Variants in ZNF608 observed in about 807,000 individuals in gnomAD.
The protein encoded by ZNF608 is renal carcinoma antigen NY-REN-36.
In ZNF608, 12 loss-of-function variants were observed where a neutral mutation model predicts 109.0. The ratio of observed to expected loss-of-function variants is 0.11; its 90% CI spans 0.07 to 0.18. The LOEUF (loss-of-function observed/expected upper bound fraction) is 0.18, where lower values mean the gene tolerates loss of function less well. Ranked by LOEUF, ZNF608 falls within the 10% of genes least tolerant of loss-of-function variation. ZNF608 has a pLI of 1.00. For synonymous variants in ZNF608, 732 were observed against 717.4 expected (o/e 1.02, Z -0.33); for missense variants, 1,707 against 1,879.3 (o/e 0.91, Z 1.70).
intron 5 of ZNF608, among the ~76,000 whole-genome samples, chr5:124,645,743 C>T (rs1014194309): frequency 6.6e-6 from 1 of 152,062 alleles, no homozygotes; most frequent in Non-Finnish European, 1.5e-5. Context: ...TCTGGGACAG[C>T]TGTTGAGGCC....
chr5:124,639,360 A>T, intron 8 of ZNF608, 146 bp from the exon 9 acceptor site: 1 of 658,316 alleles, frequency 1.5e-6, no homozygotes, highest in Non-Finnish European at 2.7e-6. Flanking sequence ...GCAAGGACAC[A>T]GTACAAACCA....
At chr5:124,742,437 G>T (rs1052101716) in intron 2 of ZNF608, among the ~76,000 whole-genome samples, 2 of 152,158 alleles carry the variant, frequency 1.3e-5, no homozygotes, top group African/African-American at 4.8e-5. Flanking sequence ...CTGGATTAGG[G>T]CAATTCATCT....
chr5:124,702,767 C>T (rs1198013208), intron 2 of ZNF608, among the ~76,000 whole-genome samples: 1 of 152,198 alleles, frequency 6.6e-6, no homozygotes, highest in Non-Finnish European at 1.5e-5. Context: ...TGCCATAAAA[C>T]TTCTTTTGCT....
rs1750025909 is a variant in ZNF608 at position 124,637,395 on chromosome 5, T to A, written c.*505A>T. 1 of 152,570 alleles carries A rather than the reference T, an allele frequency of 6.6e-6. No individual in the cohort carries two copies. The highest frequency in any genetic ancestry group is 2.1e-4 in the South Asian group (1 of 4,832). 9.5% of individuals were successfully genotyped at this position (152,570 alleles called of 1,614,324 possible). ...AGCCACCAAATAGACATCTAAATTG[T>A]ACCAAAGTGTCATCATCACAGTTAG... On this transcript the variant is annotated 3_prime_UTR_variant, in exon 10 of 10. Coordinates refer to ENST00000513986, the MANE Select transcript of ZNF608 (RefSeq NM_020747.3).
At chr5:124,686,015 A>G (rs1378446214) in intron 3 of ZNF608, among the ~76,000 whole-genome samples, 1 of 152,218 alleles carries the variant, frequency 6.6e-6, no homozygotes, top group Non-Finnish European at 1.5e-5. Context: ...CAAGCTAAGG[A>G]GGACTGGTAT....
At chr5:124,736,944 A>G (rs1405659272) in intron 2 of ZNF608, among the ~76,000 whole-genome samples, 1 of 152,236 alleles carries the variant, frequency 6.6e-6, no homozygotes, top group East Asian at 1.9e-4. Flanking sequence ...GATCAGTGCA[A>G]CCAAAGACCA....
chr5:124,651,693 C>G (rs1750783556), intron 3 of ZNF608, among the ~76,000 whole-genome samples: 1 of 152,268 alleles, frequency 6.6e-6, no homozygotes, highest in Admixed American at 6.5e-5. Context: ...TATTGCTTTT[C>G]CCCTAAGGGT....
At chr5:124,733,818 T>A (rs1749020750) in intron 2 of ZNF608, among the ~76,000 whole-genome samples, 1 of 152,238 alleles carries the variant, frequency 6.6e-6, no homozygotes, top group South Asian at 2.1e-4. Context: ...TTTGTGGAAT[T>A]CTGGCATATC....
At chr5:124,672,883 G>GA (rs529971900) in intron 3 of ZNF608, among the ~76,000 whole-genome samples, 203 of 152,218 alleles carry the variant, frequency 1.3e-3, no homozygotes, top group Middle Eastern at 6.8e-3. Context: ...TATTTCATCG[G>GA]AAAAAAGTAT....
intron 2 of ZNF608, among the ~76,000 whole-genome samples, chr5:124,709,615 T>C (rs1034093595): frequency 1.1e-4 from 17 of 152,234 alleles, no homozygotes; most frequent in African/African-American, 4.1e-4. Flanking sequence ...GTTGTGTTCT[T>C]TGAAAACCTG....
At chr5:124,660,200 G>C (rs1751193386) in intron 3 of ZNF608, among the ~76,000 whole-genome samples, 1 of 152,078 alleles carries the variant, frequency 6.6e-6, no homozygotes, top group Non-Finnish European at 1.5e-5. Context: ...GTGTGAGAGA[G>C]AGAATGGGAG....
rs1749531315 is a variant in ZNF608 at position 124,744,012 on chromosome 5, G to A, written c.906+72C>T. The A allele has an allele frequency of 1.3e-6, 2 of 1,513,526 alleles. No individual in the cohort carries two copies. The highest frequency in any genetic ancestry group is 2.1e-5 in the Admixed American group (1 of 46,552). 93.8% of individuals were successfully genotyped at this position (1,513,526 alleles called of 1,614,324 possible). On this transcript the variant is annotated intron_variant, in intron 2 of 9. Transcript: ENST00000513986. This position sits in a 1 kb window ranked among gnomAD's most constrained non-coding sequence, Gnocchi z 4.5. ...AGCATAAAGTGTAAGGCACACAGAGGCACACCCCCACACACCCACACAAAT... is the reference window on the plus strand; with the variant it reads ...AGCATAAAGTGTAAGGCACACAGAGACACACCCCCACACACCCACACAAAT...
intron 3 of ZNF608, among the ~76,000 whole-genome samples, chr5:124,681,022 T>C (rs1386959112): frequency 6.6e-6 from 1 of 152,218 alleles, no homozygotes; most frequent in African/African-American, 2.4e-5. Context: ...GTTCAACTTC[T>C]ACATAAAATG....
At chr5:124,654,749 A>C (rs1467141111) in intron 3 of ZNF608, among the ~76,000 whole-genome samples, 1 of 152,214 alleles carries the variant, frequency 6.6e-6, no homozygotes, top group Non-Finnish European at 1.5e-5. Context: ...GGCCTGGCCC[A>C]TAAGAACCTC....
intron 2 of ZNF608, among the ~76,000 whole-genome samples, chr5:124,743,038 T>C (rs989008496): frequency 2.6e-5 from 4 of 152,286 alleles, no homozygotes; most frequent in African/African-American, 7.2e-5. Flanking sequence ...ACCTGCCTAG[T>C]GGACAGAACA....
At chr5:124,700,980 C>T in intron 3 of ZNF608, 34 bp downstream of exon 3, 1 of 1,608,666 alleles carries the variant, frequency 6.2e-7, no homozygotes. Context: ...GGGAAGAGGG[C>T]ATCGGGAAAT....
intron 2 of ZNF608, among the ~76,000 whole-genome samples, chr5:124,729,600 G>A (rs1452084043): frequency 1.3e-5 from 2 of 152,168 alleles, no homozygotes; most frequent in African/African-American, 4.8e-5. Flanking sequence ...GCTGTTCCTT[G>A]ACTGTAAATA....
chr5:124,654,602 C>T (rs553689970), intron 3 of ZNF608, among the ~76,000 whole-genome samples: 2 of 152,288 alleles, frequency 1.3e-5, no homozygotes, highest in East Asian at 1.9e-4. Context: ...CTGATGGAAA[C>T]GTACGAGCCA....
At chr5:124,638,782 C>T in intron 9 of ZNF608, 1 of 1,040,668 alleles carries the variant, frequency 9.6e-7, no homozygotes, top group Middle Eastern at 2.6e-4. Context: ...CAAACATTAC[C>T]TTTAGCATTA....
Sources: allele counts gnomAD v4.1 joint callset (sites outside exome capture counted in the v4.1 genomes callset), GRCh38; gene constraint gnomAD v4.1.1; non-coding constraint Gnocchi (gnomAD v3.1); transcripts MANE v1.5; gene names NCBI Gene and HGNC (gene_info 2026-07-23, HGNC 2026-07-21).